The following ZNF804B variants were observed in gnomAD, a reference collection of about 807,000 sequenced individuals.
ZNF804B encodes the protein zinc finger 804B.
Under a neutral mutation model 101.4 loss-of-function variants are expected in ZNF804B, and 80 were observed. That is an observed-to-expected ratio of 0.79 (90% confidence interval 0.66 to 0.95). The LOEUF is 0.95. Among genes scored for constraint, ZNF804B ranks in the 40% least tolerant of loss-of-function variants. The pLI, the probability that ZNF804B is intolerant of heterozygous loss-of-function variation, is 0.00. For synonymous variants in ZNF804B, 622 were observed against 558.8 expected, an observed-to-expected ratio of 1.11 and a Z score of -1.59; for missense variants, 1,673 against 1,561.9, an observed-to-expected ratio of 1.07 and a Z score of -1.20.
intron 1 of ZNF804B, among the ~76,000 whole-genome samples, chr7:88,815,032 A>T (rs1790853653): frequency 6.7e-6 from 1 of 149,174 alleles, no homozygotes; most frequent in Non-Finnish European, 1.5e-5. Context: ...TTATATATAC[A>T]TATATGTGTG....
chr7:89,283,057 A>G (rs962044748), intron 2 of ZNF804B, among the ~76,000 whole-genome samples: 1 of 152,228 alleles, frequency 6.6e-6, no homozygotes, highest in Non-Finnish European at 1.5e-5. Context: ...AGAACATGAA[A>G]TTAAATAAAA....
chr7:89,285,744 C>G (rs547401906), intron 2 of ZNF804B, among the ~76,000 whole-genome samples: 13 of 150,630 alleles, frequency 8.6e-5, no homozygotes, highest in Non-Finnish European at 2.9e-5. Flanking sequence ...CTTTTCTGTG[C>G]AAATGCAGTT....
rs540694377 is a variant in ZNF804B at position 89,117,149 on chromosome 7, C to T, written c.109-101006C>T. On this transcript the variant is annotated intron_variant, in intron 1 of 3. Transcript: ENST00000333190. ...GAAGAGGCAAAGGACACATTCTCCA[C>T]TAGAGCTTCTAAAAGGAGTGTGGTC... Among the ~76,000 whole-genome samples the T allele has an allele frequency of 5.3e-5, 8 of 152,296 alleles. No individual in the cohort carries two copies. In the East Asian group the frequency reaches 1.5e-3, roughly 29 times the overall value.
At chr7:88,795,478 T>C (rs1054842403) in intron 1 of ZNF804B, among the ~76,000 whole-genome samples, 4 of 152,160 alleles carry the variant, frequency 2.6e-5, no homozygotes, top group Non-Finnish European at 5.9e-5. Flanking sequence ...TTTGGTTCTT[T>C]GTTTTTTCTC....
At chr7:88,791,519 T>C (rs1790380622) in intron 1 of ZNF804B, among the ~76,000 whole-genome samples, 1 of 152,146 alleles carries the variant, frequency 6.6e-6, no homozygotes, top group African/African-American at 2.4e-5. Context: ...AGATTGTTAA[T>C]AATTCTCTTT....
At chr7:89,144,436 T>G (rs970569025) in intron 1 of ZNF804B, among the ~76,000 whole-genome samples, 8 of 152,030 alleles carry the variant, frequency 5.3e-5, no homozygotes, top group Admixed American at 5.3e-4. Flanking sequence ...AAGAAGACTA[T>G]TAGCCAGGCA....
chr7:88,877,049 ATT>A (rs869097226), intron 1 of ZNF804B, among the ~76,000 whole-genome samples: 4 of 13,906 alleles, frequency 2.9e-4, no homozygotes, highest in African/African-American at 8.5e-4. Flanking sequence ...ATATATATAT[ATT>A]TTTTTTTTTT....
intron 1 of ZNF804B, among the ~76,000 whole-genome samples, chr7:89,067,273 T>C (rs1789468150): frequency 6.6e-6 from 1 of 152,080 alleles, no homozygotes. Context: ...GGGGAAGCAA[T>C]TGTAGACCGA....
At chr7:88,841,861 T>C (rs548206618) in intron 1 of ZNF804B, among the ~76,000 whole-genome samples, 10 of 152,328 alleles carry the variant, frequency 6.6e-5, no homozygotes, top group African/African-American at 2.4e-4. Context: ...AGTAGAATTT[T>C]GCTGTTATTT....
chr7:89,336,109 A>T lies in ZNF804B; in HGVS notation c.3127A>T (p.Lys1043Ter). The T allele has an allele frequency of 6.2e-7, 1 of 1,613,934 alleles. No individual in the cohort carries two copies. The highest frequency in any genetic ancestry group is 8.5e-7 in the Non-Finnish European group (1 of 1,179,982). ...LVTESQSLNI[K>*]RDATTKEQSK... is the part of the protein sequence containing the mutation. ...AACAGAGTCTCAGTCACTAAACATAAAAAGGGATGCAACAACAAAAGAACA... is the reference window on the plus strand; with the variant it reads ...AACAGAGTCTCAGTCACTAAACATATAAAGGGATGCAACAACAAAAGAACA... The change falls in exon 4 of 4, where the codon AAA becomes TAA. Residue 1043 changes from lysine (K) to a stop codon, truncating the protein, a stop_gained. Coordinates refer to ENST00000333190, the MANE Select transcript of ZNF804B (RefSeq NM_181646.5). LOFTEE classifies it high-confidence loss of function.
intron 1 of ZNF804B, among the ~76,000 whole-genome samples, chr7:88,856,677 C>T (rs918417192): frequency 6.6e-6 from 1 of 152,090 alleles, no homozygotes; most frequent in African/African-American, 2.4e-5. Context: ...GCATCCCTGT[C>T]TTGTGCCAGT....
rs192066416 is a variant in ZNF804B at position 89,337,464 on chromosome 7, A to G, written c.*432A>G. 9.4e-4 allele frequency among the ~76,000 whole-genome samples: 143 copies of G among 152,296 alleles called. No individual in the cohort carries two copies. In the Middle Eastern group the frequency reaches 0.01, roughly 11 times the overall value. ...TGTTAGATAATAAAAGGTCAGTGAA[A>G]TGAAGCAATTATTTAAAGTAATTTA... On this transcript the variant is annotated 3_prime_UTR_variant, in exon 4 of 4. Transcript: ENST00000333190.
intron 1 of ZNF804B, among the ~76,000 whole-genome samples, chr7:89,136,954 C>G (rs1381807875): frequency 6.6e-6 from 1 of 151,998 alleles, no homozygotes; most frequent in Non-Finnish European, 1.5e-5. Context: ...CCTGCAAAAG[C>G]TCTCTTTTTT....
intron 1 of ZNF804B, among the ~76,000 whole-genome samples, chr7:88,866,883 A>C (rs1010007562): frequency 1.3e-5 from 2 of 152,216 alleles, no homozygotes; most frequent in African/African-American, 4.8e-5. Context: ...TTGGCTTCTG[A>C]TAATGACCCT....
chr7:88,902,455 A>G (rs1432290921), intron 1 of ZNF804B, among the ~76,000 whole-genome samples: 1 of 152,050 alleles, frequency 6.6e-6, no homozygotes, highest in Non-Finnish European at 1.5e-5. Flanking sequence ...TTGGGGAAAC[A>G]GAGGCTACTG....
intron 1 of ZNF804B, among the ~76,000 whole-genome samples, chr7:89,096,828 G>A (rs1400378786): frequency 6.6e-6 from 1 of 151,960 alleles, no homozygotes; most frequent in Non-Finnish European, 1.5e-5. Context: ...GCCCTTTCTA[G>A]GGAACTATGT....
At chr7:89,072,037 C>T (rs1473368097) in intron 1 of ZNF804B, among the ~76,000 whole-genome samples, 1 of 152,094 alleles carries the variant, frequency 6.6e-6, no homozygotes, top group Non-Finnish European at 1.5e-5. Context: ...TGATAGAGGC[C>T]ATTCTTCAGA....
chr7:89,186,937 G>A (rs1158490552), intron 1 of ZNF804B, among the ~76,000 whole-genome samples: 1 of 152,044 alleles, frequency 6.6e-6, no homozygotes, highest in Non-Finnish European at 1.5e-5. Flanking sequence ...AAACAACACG[G>A]GGACCTCCAC....
chr7:89,067,120 G>A (rs1469575698), intron 1 of ZNF804B, among the ~76,000 whole-genome samples: 2 of 152,076 alleles, frequency 1.3e-5, no homozygotes, highest in Non-Finnish European at 2.9e-5. Flanking sequence ...ATAAGCTACC[G>A]ATCAATCTAT....
Sources: gnomAD v4.1 joint callset for allele counts (sites outside exome capture counted in the v4.1 genomes callset) on GRCh38, gnomAD v4.1.1 for gene constraint, MANE v1.5 for transcripts, NCBI Gene and HGNC (gene_info 2026-07-23, HGNC 2026-07-21) for gene names.